The following SGSH variants were observed in gnomAD, a reference collection of about 807,000 sequenced individuals.
SGSH encodes the protein N-sulfoglucosamine sulfohydrolase.
SGSH carries 48 observed loss-of-function variants against 51.0 expected under a neutral mutation model. The ratio of observed to expected loss-of-function variants is 0.94; its 90% CI spans 0.75 to 1.20. SGSH has a LOEUF of 1.20. SGSH is among the 50% of genes most tolerant of loss of function. The pLI, the probability that SGSH is intolerant of heterozygous loss-of-function variation, is 0.00. For missense variants in SGSH, 662 were observed against 717.8 expected, an observed-to-expected ratio of 0.92 and a Z score of 0.89; for synonymous variants, 321 against 313.4, an observed-to-expected ratio of 1.02 and a Z score of -0.26.
intron 1 of SGSH, among the ~76,000 whole-genome samples, chr17:80,218,120 C>T (rs149109324): frequency 3.3e-5 from 5 of 152,362 alleles, no homozygotes; most frequent in African/African-American, 1.2e-4. Flanking sequence ...AGGCAGACAG[C>T]GGCTGAGCGC....
At position 80,210,447 on chromosome 17, in the gene SGSH, G is replaced by A; in HGVS notation, c.*5C>T. ...TGGGATGTGTGCACAGGCCTCCTGG[G>A]ATGGTCACAGCTCATTGTGGAGGGG... is the stretch of plus-strand genomic sequence containing the variant. On this transcript the variant is annotated 3_prime_UTR_variant, in exon 8 of 8. Coordinates refer to ENST00000326317, the MANE Select transcript of SGSH (RefSeq NM_000199.5). The A allele has an allele frequency of 6.3e-7, 1 of 1,589,990 alleles. No homozygotes were observed. The highest frequency in any genetic ancestry group is 8.5e-7 in the Non-Finnish European group (1 of 1,173,476).
At position 80,214,308 on chromosome 17, in the gene SGSH, G is replaced by C. The variant is rs760996554; in HGVS notation, c.527C>G (p.Ala176Gly). 6.2e-7 allele frequency: 1 copy of C among 1,613,078 alleles called. No homozygotes were observed. The highest frequency in any genetic ancestry group is 1.7e-5 in the Admixed American group (1 of 60,026). The change falls in exon 5 of 8, where the codon GCC (alanine) becomes GGC (glycine). Residue 176 changes from alanine (A) to glycine (G), a missense_variant. Ala to Gly is a moderately conservative substitution (Grantham distance 60, BLOSUM62 0). Coordinates refer to ENST00000326317, the MANE Select transcript of SGSH (RefSeq NM_000199.5). The stretch of plus-strand genomic sequence containing the variant: ...CCCACAGCGGTGGGGGTCGTGGAAG[G>C]CGACGTAGAGGAAGAAAGGCCTGCA... ...QDDRPFFLYV[A>G]FHDPHRCGHS...
rs909224386 is a variant in SGSH, at chr17:80,213,409, CT to C, written c.745+394del. 26 of 253,222 alleles carry C rather than the reference CT, an allele frequency of 1.0e-4. No individual in the cohort carries two copies. The highest frequency in any genetic ancestry group is 5.1e-4 in the Admixed American group (10 of 19,780). 15.7% of individuals were successfully genotyped at this position (253,222 alleles called of 1,614,324 possible). On this transcript the variant is annotated intron_variant, in intron 6 of 7. Transcript: ENST00000326317. The surrounding 1 kb of genome is among the most constrained non-coding windows in gnomAD (Gnocchi z 4.6). The stretch of plus-strand genomic sequence containing the variant: ...GACACCTTGATTTCAAACTTCTGGC[CT>C]CCTGAACTGTGGGAGTACAAATTTT...
rs769250043 is a variant in SGSH, at chr17:80,214,348, T to C, written c.507-20A>G. On this transcript the variant is annotated intron_variant, in intron 4 of 7. Coordinates refer to ENST00000326317, the MANE Select transcript of SGSH (RefSeq NM_000199.5). Reference sequence around the variant, plus strand: ...AAAGGCCTGCACGGGAGGAGGCTCATTGCCAAGGCTGCGGGGCCACTGCCA... The same window carrying C: ...AAAGGCCTGCACGGGAGGAGGCTCACTGCCAAGGCTGCGGGGCCACTGCCA... 3 of 1,608,454 alleles carry C rather than the reference T, an allele frequency of 1.9e-6. No individual in the cohort carries two copies. The highest frequency in any genetic ancestry group is 2.7e-5 in the African/African-American group (2 of 74,854).
downstream of SGSH, chr17:80,208,147 ACAG>A (rs1216319934): frequency 1.3e-6 from 2 of 1,542,556 alleles, no homozygotes; most frequent in South Asian, 1.2e-5. Flanking sequence ...GGAAGGGCCT[ACAG>A]CGGTTGGGCA....
chr17:80,220,293 G>A lies in SGSH; in HGVS notation c.21C>T (p.Ala7=), dbSNP rs1283206682. 4.0e-6 allele frequency: 6 copies of A among 1,518,104 alleles called. No homozygotes were observed. In the Admixed American group the frequency reaches 8.0e-5, roughly 20 times the overall value. The allele number at this position is 1,518,104 out of a possible 1,614,324, so 94.0% of individuals were successfully genotyped here. Residue 7 remains alanine (A), a synonymous_variant, in exon 1 of 8, where the codon GCC becomes GCT. Coordinates refer to ENST00000326317, the MANE Select transcript of SGSH (RefSeq NM_000199.5). Reference sequence around the variant, plus strand: ...CCAGGACTAGCAGCAGCGCGCAGCAGGCGGGCACGGGGCAGCTCATGGCGG... The same window carrying A: ...CCAGGACTAGCAGCAGCGCGCAGCAAGCGGGCACGGGGCAGCTCATGGCGG... MSCPVP[A]CCALLLVLGL...
Position 80,213,765 on chromosome 17 carries a change from C to G in SGSH, c.745+39G>C, listed in dbSNP as rs1176911898. ...GCTGGCCCAGGATGGGGGACCCCGGCCGTGGCACCCCCTCCAGTGCCCGGT... is the reference window on the plus strand; with the variant it reads ...GCTGGCCCAGGATGGGGGACCCCGGGCGTGGCACCCCCTCCAGTGCCCGGT... On this transcript the variant is annotated intron_variant, in intron 6 of 7. Coordinates refer to ENST00000326317, the MANE Select transcript of SGSH (RefSeq NM_000199.5). This position sits in a 1 kb window ranked among gnomAD's most constrained non-coding sequence, Gnocchi z 4.6. 1.3e-6 allele frequency: 2 copies of G among 1,545,032 alleles called. No individual in the cohort carries two copies. The highest frequency in any genetic ancestry group is 2.3e-5 in the East Asian group (1 of 43,716).
chr17:80,208,258 C>T (rs755632854), downstream of SGSH: 11 of 1,587,986 alleles, frequency 6.9e-6, no homozygotes, highest in South Asian at 2.3e-5. Flanking sequence ...ACGGCTGGAG[C>T]GACCTGGACG....
rs1198681697 is a variant in SGSH at position 80,212,617 on chromosome 17, CA to C, written c.746-344del. On this transcript the variant is annotated intron_variant, in intron 6 of 7. Coordinates refer to ENST00000326317, the MANE Select transcript of SGSH (RefSeq NM_000199.5). The surrounding 1 kb of genome is among the most constrained non-coding windows in gnomAD (Gnocchi z 5.9). Reference sequence around the variant, plus strand: ...CCCATGGAGCAAATAGGGCAGGGGCCAGAGGACGAGGCTTCCTCTATACTCG... The same window carrying C: ...CCCATGGAGCAAATAGGGCAGGGGCCGAGGACGAGGCTTCCTCTATACTCG... 1 of 400,664 alleles carries C rather than the reference CA, an allele frequency of 2.5e-6. No homozygotes were observed. The highest frequency in any genetic ancestry group is 5.9e-5 in the East Asian group (1 of 16,912). The allele number at this position is 400,664 out of a possible 1,614,324, so 24.8% of individuals were successfully genotyped here.
downstream of SGSH, among the ~76,000 whole-genome samples, chr17:80,206,490 G>A (rs2041317348): frequency 6.6e-6 from 1 of 152,226 alleles, no homozygotes; most frequent in Non-Finnish European, 1.5e-5. Context: ...AGTGGGCCGG[G>A]TGCGGTGGCT....
downstream of SGSH, chr17:80,203,365 G>T: frequency 6.1e-6 from 1 of 163,076 alleles, no homozygotes; most frequent in Non-Finnish European, 1.3e-5. The surrounding 1 kb of genome is among the most constrained non-coding windows in gnomAD (Gnocchi z 4.6). Flanking sequence ...CTAGAAAGCA[G>T]GAGTGTTGAG....
chr17:80,203,618 C>G, downstream of SGSH: 1 of 520,046 alleles, frequency 1.9e-6, no homozygotes, highest in Non-Finnish European at 3.4e-6. This position sits in a 1 kb window ranked among gnomAD's most constrained non-coding sequence, Gnocchi z 4.6. Context: ...GGGCCGAGGC[C>G]CTGGAGTCTT....
chr17:80,205,179 T>A (rs1478945546), downstream of SGSH: 2 of 1,613,584 alleles, frequency 1.2e-6, no homozygotes, highest in Admixed American at 1.7e-5. Flanking sequence ...CTGTGCCTCC[T>A]CCAAGGGTTT....
chr17:80,202,452 C>A, downstream of SGSH: 1 of 1,599,294 alleles, frequency 6.3e-7, no homozygotes, highest in South Asian at 1.1e-5. Context: ...GGTGCGTCCC[C>A]AGAGAGGCCC....
Position 80,210,617 on chromosome 17 carries a change from G to T in SGSH, c.1344C>A (p.Thr448=). The change falls in exon 8 of 8, where the codon ACC becomes ACA. Residue 448 remains threonine, a synonymous_variant. Coordinates refer to ENST00000326317, the MANE Select transcript of SGSH (RefSeq NM_000199.5). ...LYDRSRDPHE[T]QNLATDPRFA... The stretch of plus-strand genomic sequence containing the variant: ...AGCGCGGGTCGGTGGCCAGGTTCTG[G>T]GTCTCGTGGGGGTCCCGGCTCCGGT... 6.2e-7 allele frequency: 1 copy of T among 1,613,740 alleles called. No individual in the cohort carries two copies. The highest frequency in any genetic ancestry group is 8.5e-7 in the Non-Finnish European group (1 of 1,179,974).
chr17:80,209,139 G>T, downstream of SGSH: 2 of 206,562 alleles, frequency 9.7e-6, no homozygotes, highest in Non-Finnish European at 1.7e-5. Context: ...CACCTTCAGG[G>T]CTCGGGGAGG....
chr17:80,205,132 C>T (rs139789664), downstream of SGSH: 8,327 of 1,613,754 alleles, frequency 5.2e-3, 26 homozygotes, highest in Non-Finnish European at 6.0e-3. Flanking sequence ...CTGTGCTCCT[C>T]GTGCCCAGGG....
At chr17:80,208,005 C>T (rs2041434959), downstream of SGSH, 1 of 606,592 alleles carries the variant, frequency 1.6e-6, no homozygotes, top group South Asian at 3.0e-5. Context: ...GGCCTATTTT[C>T]TTTACAAGGT....
At position 80,213,696 on chromosome 17, in the gene SGSH, CA is replaced by C; in HGVS notation, c.745+107del. On this transcript the variant is annotated intron_variant, in intron 6 of 7. Transcript: ENST00000326317. This position sits in a 1 kb window ranked among gnomAD's most constrained non-coding sequence, Gnocchi z 4.6. ...CTGCCAGCTGCAGCACAGGGCCTGC[CA>C]CACTGGGACCCTCACCCACATTATG... The C allele has an allele frequency of 1.0e-6, 1 of 996,142 alleles. No homozygotes were observed. Among genetic ancestry groups the C allele is most frequent in the South Asian group, 1.4e-5 (1 of 72,280 alleles). 61.7% of individuals were successfully genotyped at this position (996,142 alleles called of 1,614,324 possible).
Sources: gnomAD v4.1 joint callset for allele counts (sites outside exome capture counted in the v4.1 genomes callset) on GRCh38, gnomAD v4.1.1 for gene constraint, Gnocchi (gnomAD v3.1) non-coding constraint, MANE v1.5 for transcripts, NCBI Gene and HGNC (gene_info 2026-07-23, HGNC 2026-07-21) for gene names.